Variants in WDFY2 observed in about 807,000 individuals in gnomAD.
WDFY2 encodes WD repeat and FYVE domain-containing protein 2.
WDFY2 carries 36 observed loss-of-function variants against 56.4 expected under a neutral mutation model. The observed-to-expected ratio is 0.64, with a 90% CI of 0.49 to 0.84. The LOEUF (loss-of-function observed/expected upper bound fraction) is 0.84, where lower values mean the gene tolerates loss of function less well. WDFY2 is among the 40% of genes least tolerant of loss of function. The probability of loss-of-function intolerance (pLI) is 0.00; values close to 1 mark genes in which losing one functional copy is unlikely to be tolerated. For synonymous variants in WDFY2, 176 were observed against 183.7 expected, an observed-to-expected ratio of 0.96 and a Z score of 0.34; for missense variants, 444 against 512.2, an observed-to-expected ratio of 0.87 and a Z score of 1.29.
chr13:51,628,147 TCCA>T (rs1954873127), intron 1 of WDFY2, among the ~76,000 whole-genome samples: 2 of 152,238 alleles, frequency 1.3e-5, no homozygotes, highest in East Asian at 3.9e-4. Context: ...CAACATGCCA[TCCA>T]CGGCACCCAG....
chr13:51,662,935 A>T (rs1955640564), intron 2 of WDFY2, among the ~76,000 whole-genome samples: 1 of 152,228 alleles, frequency 6.6e-6, no homozygotes, highest in South Asian at 2.1e-4. Flanking sequence ...GCATCACCTG[A>T]GAACTTATTA....
At chr13:51,590,803 A>C (rs111641554) in intron 1 of WDFY2, 1 of 152,004 alleles carries the variant, frequency 6.6e-6, no homozygotes, top group Non-Finnish European at 1.5e-5. Flanking sequence ...CAACTTCAGC[A>C]AGCAGTCTTC....
At chr13:51,687,126 TA>T (rs1956074863) in intron 3 of WDFY2, among the ~76,000 whole-genome samples, 1 of 150,254 alleles carries the variant, frequency 6.7e-6, no homozygotes, top group African/African-American at 2.4e-5. Context: ...TATTTTCATA[TA>T]TTTTAAAAGT....
intron 3 of WDFY2, among the ~76,000 whole-genome samples, chr13:51,699,334 C>G (rs1288932233): frequency 1.3e-5 from 2 of 152,250 alleles, no homozygotes; most frequent in African/African-American, 4.8e-5. Flanking sequence ...TCACTTCTGT[C>G]TGTCCAGAGA....
chr13:51,680,285 G>C (rs990326654), intron 3 of WDFY2, among the ~76,000 whole-genome samples: 5 of 151,940 alleles, frequency 3.3e-5, no homozygotes, highest in Admixed American at 2.6e-4. Context: ...GGCTTTTTTC[G>C]TAGATGGGGT....
chr13:51,588,051 A>ACAGGC (rs1452750229), intron 1 of WDFY2: 2 of 152,266 alleles, frequency 1.3e-5, no homozygotes, highest in Non-Finnish European at 2.9e-5. Flanking sequence ...TGCTACCATA[A>ACAGGC]TACAGAGCCT....
rs1195173902 is a variant in WDFY2, at chr13:51,660,681, T to C, written c.205+18T>C. The C allele has an allele frequency of 3.1e-6, 5 of 1,612,358 alleles. No individual in the cohort carries two copies. The highest frequency in any genetic ancestry group is 1.3e-5 in the African/African-American group (1 of 74,896). On this transcript the variant is annotated intron_variant, in intron 2 of 11. Transcript: ENST00000298125. ...AATGCCTTGTAAGTATCCAAATCGC[T>C]GTCTTGAAAAACCAGACATGTCCTT...
At chr13:51,628,870 A>G (rs1378034696) in intron 1 of WDFY2, among the ~76,000 whole-genome samples, 1 of 152,240 alleles carries the variant, frequency 6.6e-6, no homozygotes, top group Non-Finnish European at 1.5e-5. Flanking sequence ...GCAGCAGACT[A>G]AATTCTTCCA....
intron 3 of WDFY2, among the ~76,000 whole-genome samples, chr13:51,696,159 C>G (rs1477120443): frequency 6.6e-6 from 1 of 152,214 alleles, no homozygotes; most frequent in Non-Finnish European, 1.5e-5. Flanking sequence ...CCTGCTTTGG[C>G]TAGTGCAGGG....
At chr13:51,645,022 T>A (rs1955238580) in intron 1 of WDFY2, among the ~76,000 whole-genome samples, 1 of 152,238 alleles carries the variant, frequency 6.6e-6, no homozygotes. Flanking sequence ...CCTCTCAGTT[T>A]GTTTTTATTA....
chr13:51,621,393 T>G (rs1954722841), intron 1 of WDFY2, among the ~76,000 whole-genome samples: 1 of 152,072 alleles, frequency 6.6e-6, no homozygotes, highest in South Asian at 2.1e-4. Flanking sequence ...TAATTCCAGC[T>G]ACTTGGGAGG....
intron 3 of WDFY2, among the ~76,000 whole-genome samples, chr13:51,693,659 G>C (rs1163591388): frequency 6.6e-6 from 1 of 151,192 alleles, no homozygotes; most frequent in Admixed American, 6.6e-5. Flanking sequence ...TGTATATTCT[G>C]TTGATTTGGG....
At chr13:51,601,961 T>G (rs1374253368) in intron 1 of WDFY2, among the ~76,000 whole-genome samples, 3 of 152,234 alleles carry the variant, frequency 2.0e-5, no homozygotes, top group Non-Finnish European at 4.4e-5. Context: ...CAGATACCCC[T>G]AAGACATTCC....
At chr13:51,713,531 C>A (rs776623604) in intron 4 of WDFY2, among the ~76,000 whole-genome samples, 3 of 152,168 alleles carry the variant, frequency 2.0e-5, no homozygotes, top group Non-Finnish European at 2.9e-5. Flanking sequence ...AGTTCTGACA[C>A]ATGCAAATGA....
chr13:51,740,662 C>T (rs777682432), intron 7 of WDFY2, among the ~76,000 whole-genome samples: 2 of 145,426 alleles, frequency 1.4e-5, no homozygotes, highest in Admixed American at 6.9e-5. Context: ...CGCGGTGAGC[C>T]GAGATCACAC....
intron 4 of WDFY2, among the ~76,000 whole-genome samples, chr13:51,712,636 A>C (rs1457748578): frequency 6.6e-6 from 1 of 152,094 alleles, no homozygotes; most frequent in Non-Finnish European, 1.5e-5. Context: ...GATCAGTAGA[A>C]GTTCATGAAA....
At chr13:51,612,708 T>C (rs1007451159) in intron 1 of WDFY2, among the ~76,000 whole-genome samples, 3 of 152,206 alleles carry the variant, frequency 2.0e-5, no homozygotes, top group Admixed American at 6.5e-5. Context: ...TCTTTGTTAA[T>C]GTGGAAAGTT....
chr13:51,627,750 G>T (rs1445501139), intron 1 of WDFY2, among the ~76,000 whole-genome samples: 1 of 152,144 alleles, frequency 6.6e-6, no homozygotes, highest in Non-Finnish European at 1.5e-5. Flanking sequence ...GGTGAGCAAG[G>T]CAAAGAGGTG....
chr13:51,584,680 C>G lies in WDFY2; in HGVS notation c.-8C>G, dbSNP rs762793034. 24 of 1,609,546 alleles carry G rather than the reference C, an allele frequency of 1.5e-5. No individual in the cohort carries two copies. In the Admixed American group the frequency reaches 3.3e-4, roughly 22 times the overall value. On this transcript the variant is annotated 5_prime_UTR_variant, in exon 1 of 12. Coordinates refer to ENST00000298125, the MANE Select transcript of WDFY2 (RefSeq NM_052950.4). ...GGCGGCGGCGCCCCAGGCGCGCCCC[C>G]TCCTCCGATGGCGGCGGAGATCCAG...
Sources: allele counts gnomAD v4.1 joint callset (sites outside exome capture counted in the v4.1 genomes callset), GRCh38; gene constraint gnomAD v4.1.1; transcripts MANE v1.5; gene names NCBI Gene and HGNC (gene_info 2026-07-23, HGNC 2026-07-21).